The following STAG1 variants were observed in gnomAD, a reference collection of about 807,000 sequenced individuals.
The protein encoded by STAG1 is STAG1 cohesin complex component, also known as cohesin subunit SA-1.
Under a neutral mutation model 170.9 loss-of-function variants are expected in STAG1, and 26 were observed. The observed-to-expected ratio is 0.15, with a 90% CI of 0.11 to 0.21. The LOEUF is 0.21. STAG1 is among the 10% of genes least tolerant of loss of function. The pLI, the probability that STAG1 is intolerant of heterozygous loss-of-function variation, is 1.00. For missense variants in STAG1, 964 were observed against 1,509.5 expected, an observed-to-expected ratio of 0.64 and a Z score of 5.99; for synonymous variants, 514 against 497.7, an observed-to-expected ratio of 1.03 and a Z score of -0.44.
intron 21 of STAG1, among the ~76,000 whole-genome samples, chr3:136,413,868 A>G (rs2087699302): frequency 6.6e-6 from 1 of 152,232 alleles, no homozygotes; most frequent in African/African-American, 2.4e-5. Context: ...CCCTGAATAT[A>G]GCGCAAGTTT....
intron 5 of STAG1, among the ~76,000 whole-genome samples, chr3:136,544,907 C>T (rs1026989230): frequency 6.6e-6 from 1 of 152,110 alleles, no homozygotes; most frequent in East Asian, 1.9e-4. Context: ...TAAGTAATTG[C>T]TCCATGTATA....
At chr3:136,348,524 T>C (rs1006412285) in intron 29 of STAG1, among the ~76,000 whole-genome samples, 1 of 152,154 alleles carries the variant, frequency 6.6e-6, no homozygotes, top group Non-Finnish European at 1.5e-5. Context: ...TTCTCCCACC[T>C]CGGCTTCCCA....
At chr3:136,466,925 A>G (rs181723378) in intron 12 of STAG1, among the ~76,000 whole-genome samples, 95 of 152,344 alleles carry the variant, frequency 6.2e-4, no homozygotes, top group African/African-American at 2.2e-3. Flanking sequence ...TGAAGGAGAA[A>G]TAAAATCCTT....
intron 1 of STAG1, among the ~76,000 whole-genome samples, chr3:136,726,847 A>G (rs886213139): frequency 6.6e-6 from 1 of 152,138 alleles, no homozygotes; most frequent in African/African-American, 2.4e-5. Flanking sequence ...GACTCTGCTT[A>G]CCTCTCTAAC....
At chr3:136,617,599 C>T (rs749737377) in intron 3 of STAG1, among the ~76,000 whole-genome samples, 4 of 152,054 alleles carry the variant, frequency 2.6e-5, no homozygotes, top group Admixed American at 2.6e-4. Flanking sequence ...CTGGTAACAA[C>T]AGGGTTGGTA....
chr3:136,607,164 T>A (rs1304187209), intron 3 of STAG1, among the ~76,000 whole-genome samples: 1 of 152,176 alleles, frequency 6.6e-6, no homozygotes, highest in Non-Finnish European at 1.5e-5. Flanking sequence ...CAGGTTTCAC[T>A]TCTGTACTTT....
At chr3:136,430,250 T>C (rs2088257754) in intron 16 of STAG1, 1 of 152,288 alleles carries the variant, frequency 6.6e-6, no homozygotes, top group Admixed American at 6.5e-5. Flanking sequence ...AAACGGTATA[T>C]AATTTCACCC....
intron 7 of STAG1, chr3:136,518,463 T>C (rs1934492398): frequency 1.5e-6 from 1 of 687,786 alleles, no homozygotes. Context: ...TCCTCGTACA[T>C]ATACCATTAA....
At chr3:136,525,489 CTTCT>C (rs1263494096) in intron 6 of STAG1, among the ~76,000 whole-genome samples, 1 of 151,858 alleles carries the variant, frequency 6.6e-6, no homozygotes, top group South Asian at 2.1e-4. Context: ...TCTCTCTTTT[CTTCT>C]TTATTAGCCT....
intron 10 of STAG1, 136 bp from the exon 11 acceptor site, chr3:136,473,773 C>T (rs999190242): frequency 1.6e-5 from 10 of 616,878 alleles, no homozygotes; most frequent in Admixed American, 1.2e-4. Context: ...TGAGACTGAA[C>T]AATTGTATAG....
intron 9 of STAG1, among the ~76,000 whole-genome samples, chr3:136,492,508 T>C (rs567938576): frequency 9.2e-5 from 14 of 152,314 alleles, no homozygotes; most frequent in Admixed American, 9.2e-4. Flanking sequence ...GAATTTATGC[T>C]CTCACTTGAA....
chr3:136,396,462 C>T (rs181753528), intron 22 of STAG1, among the ~76,000 whole-genome samples: 161 of 149,944 alleles, frequency 1.1e-3, no homozygotes, highest in African/African-American at 3.7e-3. Context: ...ACCTTGTGAT[C>T]CGCCCACCTC....
intron 9 of STAG1, among the ~76,000 whole-genome samples, chr3:136,493,854 C>T (rs904837345): frequency 9.9e-5 from 15 of 151,954 alleles, no homozygotes; most frequent in Non-Finnish European, 2.2e-4. Flanking sequence ...GACAACCCCC[C>T]AAAAATTAAA....
intron 7 of STAG1, among the ~76,000 whole-genome samples, chr3:136,511,763 T>C (rs1268573903): frequency 3.9e-5 from 6 of 152,282 alleles, no homozygotes; most frequent in Middle Eastern, 6.8e-3. Context: ...AGCTTTCCTA[T>C]ATAACAAACC....
chr3:136,655,116 A>G (rs143799286), intron 1 of STAG1, among the ~76,000 whole-genome samples: 23 of 152,352 alleles, frequency 1.5e-4, no homozygotes, highest in Non-Finnish European at 2.5e-4. Context: ...CACAGACAAC[A>G]AAAGAAAAAC....
intron 4 of STAG1, among the ~76,000 whole-genome samples, chr3:136,588,982 C>T (rs115944165): frequency 0.016 from 2,456 of 152,118 alleles, 78 homozygotes; most frequent in African/African-American, 0.056. Context: ...ATGCTAATCT[C>T]GAACTCCTGA....
chr3:136,675,597 ATAG>A (rs1942107054), intron 1 of STAG1, among the ~76,000 whole-genome samples: 1 of 152,156 alleles, frequency 6.6e-6, no homozygotes, highest in Non-Finnish European at 1.5e-5. Flanking sequence ...ACTATACAAT[ATAG>A]TAGGTTTACT....
chr3:136,372,194 A>G (rs1937378224), intron 23 of STAG1, among the ~76,000 whole-genome samples: 1 of 152,136 alleles, frequency 6.6e-6, no homozygotes, highest in Admixed American at 6.6e-5. Context: ...TTGCACATTG[A>G]TTTTGTATCC....
chr3:136,419,883 T>G (rs1482382341), intron 20 of STAG1, among the ~76,000 whole-genome samples: 1 of 152,130 alleles, frequency 6.6e-6, no homozygotes, highest in Admixed American at 6.5e-5. Flanking sequence ...GGGCTGAAAC[T>G]TTTACAGTAT....
Sources: allele counts gnomAD v4.1 joint callset (sites outside exome capture counted in the v4.1 genomes callset), GRCh38; gene constraint gnomAD v4.1.1; transcripts MANE v1.5; gene names NCBI Gene and HGNC (gene_info 2026-07-23, HGNC 2026-07-21).